The following MMP26 variants were observed in gnomAD, a reference collection of about 807,000 sequenced individuals.
MMP26 encodes matrix metalloproteinase-26.
Under a neutral mutation model 31.0 loss-of-function variants are expected in MMP26, and 33 were observed. The ratio of observed to expected loss-of-function variants is 1.06; its 90% CI spans 0.81 to 1.42. The LOEUF (loss-of-function observed/expected upper bound fraction) is 1.42, where lower values mean the gene tolerates loss of function less well. Among genes scored for constraint, MMP26 ranks in the 40% most tolerant of loss-of-function variants. MMP26 has a pLI of 0.00. For synonymous variants in MMP26, 122 were observed against 114.9 expected (o/e 1.06, Z -0.40); for missense variants, 347 against 316.1 (o/e 1.10, Z -0.74).
chr11:4,728,207 CAT>C (rs1255413705), intron 1 of MMP26, among the ~76,000 whole-genome samples: 1 of 152,172 alleles, frequency 6.6e-6, no homozygotes, highest in Non-Finnish European at 1.5e-5. Context: ...AGTAATTTAA[CAT>C]AGGGAAATGG....
At chr11:4,712,903 A>G (rs1847880349) in intron 1 of MMP26, among the ~76,000 whole-genome samples, 1 of 151,768 alleles carries the variant, frequency 6.6e-6, no homozygotes, top group South Asian at 2.1e-4. Context: ...TGGTCTATAC[A>G]TTTTGCTTTT....
intron 1 of MMP26, chr11:4,712,290 A>G (rs1847872080): frequency 1.3e-5 from 2 of 152,196 alleles, no homozygotes; most frequent in South Asian, 4.1e-4. Flanking sequence ...ACATATCTAA[A>G]TTCAAACAAT....
intron 1 of MMP26, among the ~76,000 whole-genome samples, chr11:4,749,601 T>A (rs761232875): frequency 4.6e-5 from 7 of 151,934 alleles, no homozygotes; most frequent in Non-Finnish European, 1.0e-4. Context: ...TTAAACAGAT[T>A]AGAGAACCCA....
chr11:4,800,013 A>T (rs1468676502), intron 2 of MMP26, among the ~76,000 whole-genome samples: 1 of 152,172 alleles, frequency 6.6e-6, no homozygotes, highest in African/African-American at 2.4e-5. Context: ...ACTGGAGTTG[A>T]GTACCTGTGG....
intron 2 of MMP26, among the ~76,000 whole-genome samples, chr11:4,972,013 A>G (rs1055032571): frequency 1.3e-5 from 2 of 152,144 alleles, no homozygotes; most frequent in African/African-American, 4.8e-5. Flanking sequence ...CATCTCCAAC[A>G]TTGGGGATTA....
chr11:4,862,180 G>T (rs1850170785), intron 2 of MMP26, among the ~76,000 whole-genome samples: 1 of 152,158 alleles, frequency 6.6e-6, no homozygotes, highest in Non-Finnish European at 1.5e-5. Context: ...AGTAGCTTAA[G>T]GTTTCCACAT....
At chr11:4,832,406 A>T (rs1849659006) in intron 2 of MMP26, 2 of 152,924 alleles carry the variant, frequency 1.3e-5, no homozygotes, top group African/African-American at 2.4e-5. Context: ...GTTCAACAAC[A>T]TGGGGATTTC....
chr11:4,940,886 A>G (rs1047884703), intron 2 of MMP26, among the ~76,000 whole-genome samples: 2 of 152,180 alleles, frequency 1.3e-5, no homozygotes, highest in African/African-American at 4.8e-5. Context: ...CCCAAGTTCC[A>G]AAAGAGATCA....
At position 4,849,070 on chromosome 11, in the gene MMP26, C is replaced by T. The variant is rs1299266149; in HGVS notation, c.-145+81729C>T. Reference sequence around the variant, plus strand: ...CAGAGGATGGTGCCATTTCCCAGTGCAGAGAGAAGGTAGACAGCAATGAGG... The same window carrying T: ...CAGAGGATGGTGCCATTTCCCAGTGTAGAGAGAAGGTAGACAGCAATGAGG... On this transcript the variant is annotated intron_variant, in intron 2 of 7. Coordinates refer to ENST00000380390, the MANE Select transcript of MMP26 (RefSeq NM_021801.5). 6.8e-6 allele frequency: 11 copies of T among 1,613,898 alleles called. No homozygotes were observed. The highest frequency in any genetic ancestry group is 9.3e-6 in the Non-Finnish European group (11 of 1,179,970).
At chr11:4,821,240 C>T (rs1434191076) in intron 2 of MMP26, 1 of 680,242 alleles carries the variant, frequency 1.5e-6, no homozygotes, top group Non-Finnish European at 2.5e-6. Context: ...ATGTGAAACA[C>T]TGACAGACTT....
chr11:4,768,121 G>A (rs1848655579), intron 2 of MMP26, among the ~76,000 whole-genome samples: 1 of 152,074 alleles, frequency 6.6e-6, no homozygotes, highest in Non-Finnish European at 1.5e-5. Flanking sequence ...TTATCTATGG[G>A]GAAAGGTCCA....
intron 2 of MMP26, among the ~76,000 whole-genome samples, chr11:4,834,240 A>G (rs1053729615): frequency 1.4e-4 from 22 of 152,108 alleles, no homozygotes; most frequent in Non-Finnish European, 3.1e-4. Context: ...CTGCCTTCTG[A>G]ATTGAGGGGC....
At chr11:4,882,136 C>A (rs759745598) in intron 2 of MMP26, 7 of 1,613,792 alleles carry the variant, frequency 4.3e-6, no homozygotes, top group Middle Eastern at 3.3e-4. Context: ...CCATTACGAC[C>A]CTTCCCACTG....
intron 2 of MMP26, chr11:4,923,894 C>T (rs1851225413): frequency 6.2e-7 from 1 of 1,614,080 alleles, no homozygotes; most frequent in Non-Finnish European, 8.5e-7. Context: ...AAGCACTGAG[C>T]TTAGCCCCAT....
chr11:4,848,373 G>T, intron 2 of MMP26: 2 of 1,614,128 alleles, frequency 1.2e-6, no homozygotes, highest in South Asian at 1.1e-5. Flanking sequence ...AAGAGTATGG[G>T]TATGCTGAGT....
chr11:4,929,123 C>G (rs1382416222), intron 2 of MMP26, among the ~76,000 whole-genome samples: 1 of 151,858 alleles, frequency 6.6e-6, no homozygotes, highest in Non-Finnish European at 1.5e-5. Flanking sequence ...TTAAGTAAAC[C>G]CAAAAATATG....
intron 1 of MMP26, among the ~76,000 whole-genome samples, chr11:4,735,860 T>C (rs1848233085): frequency 1.3e-5 from 2 of 152,162 alleles, no homozygotes; most frequent in South Asian, 2.1e-4. Flanking sequence ...GTTTTACATA[T>C]AATTTCGGAG....
At chr11:4,716,096 A>G (rs964282893) in intron 1 of MMP26, among the ~76,000 whole-genome samples, 2 of 152,234 alleles carry the variant, frequency 1.3e-5, no homozygotes, top group African/African-American at 4.8e-5. Context: ...GCCCAGCAAG[A>G]AATTGGAGAC....
intron 1 of MMP26, among the ~76,000 whole-genome samples, chr11:4,731,542 G>T (rs1465771919): frequency 1.3e-5 from 2 of 152,158 alleles, no homozygotes; most frequent in Non-Finnish European, 2.9e-5. Context: ...GTTGTCAGTG[G>T]CTTTGCTGTC....
Sources: gnomAD v4.1 joint callset for allele counts (sites outside exome capture counted in the v4.1 genomes callset) on GRCh38, gnomAD v4.1.1 for gene constraint, MANE v1.5 for transcripts, NCBI Gene and HGNC (gene_info 2026-07-23, HGNC 2026-07-21) for gene names.